Variants in CNTN5 observed in about 807,000 individuals in gnomAD.
CNTN5 encodes contactin-5.
CNTN5 carries 77 observed loss-of-function variants against 129.1 expected under a neutral mutation model. The observed-to-expected ratio is 0.60, with a 90% CI of 0.50 to 0.72. The LOEUF (loss-of-function observed/expected upper bound fraction) is 0.72, where lower values mean the gene tolerates loss of function less well. CNTN5 is among the 30% of genes least tolerant of loss of function. The pLI, the probability that CNTN5 is intolerant of heterozygous loss-of-function variation, is 0.00. For synonymous variants in CNTN5, 509 were observed against 465.6 expected, an observed-to-expected ratio of 1.09 and a Z score of -1.20; for missense variants, 1,478 against 1,328.8, an observed-to-expected ratio of 1.11 and a Z score of -1.75.
At chr11:99,837,623 G>C (rs930155144) in intron 4 of CNTN5, among the ~76,000 whole-genome samples, 1 of 148,398 alleles carries the variant, frequency 6.7e-6, no homozygotes, top group African/African-American at 2.5e-5. Context: ...AAGTGTCCCA[G>C]TGTTCCTAGG....
intron 2 of CNTN5, among the ~76,000 whole-genome samples, chr11:99,372,512 G>A (rs1939884864): frequency 6.6e-6 from 1 of 152,062 alleles, no homozygotes. Context: ...TGGCACAACG[G>A]ACAACCTCTT....
chr11:99,179,062 A>G (rs1189084047), intron 1 of CNTN5, among the ~76,000 whole-genome samples: 2 of 152,202 alleles, frequency 1.3e-5, no homozygotes, highest in Non-Finnish European at 1.5e-5. Flanking sequence ...CTGTGCCTTT[A>G]TATATTAAGC....
chr11:99,922,262 C>G (rs748506060), intron 7 of CNTN5, among the ~76,000 whole-genome samples: 1 of 152,228 alleles, frequency 6.6e-6, no homozygotes, highest in South Asian at 2.1e-4. Flanking sequence ...CATGAGAACA[C>G]AATGGGAAAA....
intron 1 of CNTN5, among the ~76,000 whole-genome samples, chr11:99,214,584 A>G (rs1860023633): frequency 1.3e-5 from 2 of 151,856 alleles, no homozygotes; most frequent in Non-Finnish European, 2.9e-5. Flanking sequence ...TAAGATGTTA[A>G]CCAGAAGAAT....
intron 1 of CNTN5, among the ~76,000 whole-genome samples, chr11:99,102,616 G>A (rs1866795295): frequency 6.6e-6 from 1 of 152,150 alleles, no homozygotes; most frequent in African/African-American, 2.4e-5. Context: ...CATAGCAAGA[G>A]TCACCGTTAC....
intron 3 of CNTN5, among the ~76,000 whole-genome samples, chr11:99,748,836 C>A (rs1346446822): frequency 6.6e-6 from 1 of 152,180 alleles, no homozygotes; most frequent in Non-Finnish European, 1.5e-5. Context: ...CTTCTTTACT[C>A]ACTCTACTGA....
intron 9 of CNTN5, among the ~76,000 whole-genome samples, chr11:100,050,447 G>A (rs187392426): frequency 0.046 from 6,955 of 151,940 alleles, 526 homozygotes; most frequent in African/African-American, 0.16. Flanking sequence ...GACACAGGAA[G>A]GGGAACATCA....
At chr11:99,050,052 A>G (rs1321702591) in intron 1 of CNTN5, among the ~76,000 whole-genome samples, 4 of 152,262 alleles carry the variant, frequency 2.6e-5, no homozygotes, top group African/African-American at 7.2e-5. Context: ...TTTGTTTTAT[A>G]GCAAACAGCC....
intron 16 of CNTN5, among the ~76,000 whole-genome samples, chr11:100,253,301 A>G (rs1591439344): frequency 6.6e-6 from 1 of 152,176 alleles, no homozygotes; most frequent in South Asian, 2.1e-4. Context: ...GCTGTTCCCT[A>G]GCAGAGTGAT....
chr11:99,952,311 A>G (rs777309678), intron 7 of CNTN5, among the ~76,000 whole-genome samples: 6 of 152,164 alleles, frequency 3.9e-5, no homozygotes, highest in Non-Finnish European at 5.9e-5. Context: ...AAGTTATCCT[A>G]TTTAAGTGTC....
At chr11:99,565,596 A>C (rs1315247203) in intron 3 of CNTN5, among the ~76,000 whole-genome samples, 2 of 152,156 alleles carry the variant, frequency 1.3e-5, no homozygotes, top group African/African-American at 2.4e-5. Context: ...GTATTCAAAG[A>C]GAATCATTTA....
At chr11:99,548,196 TAGAA>T (rs1276442418) in intron 2 of CNTN5, among the ~76,000 whole-genome samples, 2 of 152,318 alleles carry the variant, frequency 1.3e-5, no homozygotes, top group African/African-American at 2.4e-5. Flanking sequence ...TTTGATTTAA[TAGAA>T]AGAGGTATTT....
intron 9 of CNTN5, among the ~76,000 whole-genome samples, chr11:100,009,035 C>A (rs1371012381): frequency 1.3e-5 from 2 of 151,942 alleles, no homozygotes; most frequent in Non-Finnish European, 2.9e-5. Context: ...TTCCCATATT[C>A]TTTAAGAAAA....
chr11:99,446,271 A>G (rs999854646), intron 2 of CNTN5, among the ~76,000 whole-genome samples: 7 of 152,066 alleles, frequency 4.6e-5, no homozygotes, highest in Non-Finnish European at 8.8e-5. Flanking sequence ...GCCTTGGTGC[A>G]CATTATTTTC....
At chr11:99,265,824 C>A (rs1178405662) in intron 1 of CNTN5, among the ~76,000 whole-genome samples, 1 of 151,946 alleles carries the variant, frequency 6.6e-6, no homozygotes, top group African/African-American at 2.4e-5. Flanking sequence ...ATAATAAAAT[C>A]TCATTCACTC....
chr11:99,040,141 G>A (rs140689179), intron 1 of CNTN5, among the ~76,000 whole-genome samples: 3,399 of 151,964 alleles, frequency 0.022, 54 homozygotes, highest in Admixed American at 0.032. Flanking sequence ...CCAAGAAGAG[G>A]GAAAAATGAT....
At chr11:99,497,669 A>G (rs1179333564) in intron 2 of CNTN5, among the ~76,000 whole-genome samples, 1 of 152,190 alleles carries the variant, frequency 6.6e-6, no homozygotes, top group East Asian at 1.9e-4. Flanking sequence ...TATGAGCTTG[A>G]AAATAAACTC....
chr11:99,757,392 G>A (rs1433825242), intron 3 of CNTN5, among the ~76,000 whole-genome samples: 1 of 151,626 alleles, frequency 6.6e-6, no homozygotes, highest in Non-Finnish European at 1.5e-5. Flanking sequence ...GTGTAGCTCT[G>A]TTTCTATATT....
chr11:100,050,028 G>A (rs536895856), intron 9 of CNTN5, among the ~76,000 whole-genome samples: 1 of 152,284 alleles, frequency 6.6e-6, no homozygotes, highest in East Asian at 1.9e-4. Flanking sequence ...CTCTTAGTGG[G>A]ACTGTAAACT....
Sources: allele counts gnomAD v4.1 joint callset (sites outside exome capture counted in the v4.1 genomes callset), GRCh38; gene constraint gnomAD v4.1.1; transcripts MANE v1.5; gene names NCBI Gene and HGNC (gene_info 2026-07-23, HGNC 2026-07-21).